The following HERC2 variants were observed in gnomAD, a reference collection of about 807,000 sequenced individuals.
HERC2 encodes the protein HECT and RLD domain containing E3 ubiquitin protein ligase 2.
HERC2 carries 102 observed loss-of-function variants against 537.7 expected under a neutral mutation model. The ratio of observed to expected loss-of-function variants is 0.19; its 90% CI spans 0.16 to 0.22. The LOEUF (loss-of-function observed/expected upper bound fraction) is 0.22, where lower values mean the gene tolerates loss of function less well. Among genes scored for constraint, HERC2 ranks in the 10% least tolerant of loss-of-function variants. The pLI is 1.00. For missense variants in HERC2, 4,236 were observed against 6,198.2 expected, an observed-to-expected ratio of 0.68 and a Z score of 10.63; for synonymous variants, 2,224 against 2,466.2, an observed-to-expected ratio of 0.90 and a Z score of 2.91.
Position 28,213,930 on chromosome 15 carries a change from C to G in HERC2, c.6598G>C (p.Val2200Leu), listed in dbSNP as rs200763932. Residue 2200 changes from valine to leucine, a missense_variant, in exon 42 of 93, where the codon GTG becomes CTG. Transcript: ENST00000261609. ...GCCAGGACTGCCATGAGGCCCCCCA[C>G]TTCAGGGTTCTCGGAGTCGGGGAAG... Reference protein sequence around the residue: ...DYFPDSENPEVGGLMAVLAVI... With the variant: ...DYFPDSENPELGGLMAVLAVI... 1.1e-5 allele frequency: 17 copies of G among 1,614,022 alleles called. No individual in the cohort carries two copies. In the Admixed American group the frequency reaches 2.5e-4, roughly 24 times the overall value.
chr15:28,268,754 G>T lies in HERC2; in HGVS notation c.1447-138C>A. On this transcript the variant is annotated intron_variant, in intron 11 of 92. Coordinates refer to ENST00000261609, the MANE Select transcript of HERC2 (RefSeq NM_004667.6). This position sits in a 1 kb window ranked among gnomAD's most constrained non-coding sequence, Gnocchi z 4.7. ...GGCATAAGTCTCTGGGAACTACGGG[G>T]CCGGCTCTCCAGCCCTTCCCACCCA... The T allele has an allele frequency of 1.4e-6, 1 of 723,246 alleles. No homozygotes were observed. The highest frequency in any genetic ancestry group is 2.3e-6 in the Non-Finnish European group (1 of 439,142). The allele number at this position is 723,246 out of a possible 1,614,324, so 44.8% of individuals were successfully genotyped here. A position where few individuals can be genotyped will look rare whatever the true frequency, so the allele number is the denominator to read the frequency against.
At chr15:28,214,834 T>G in intron 39 of HERC2, 32 bp from the exon 40 acceptor site, 1 of 1,568,528 alleles carries the variant, frequency 6.4e-7, no homozygotes, top group Non-Finnish European at 8.7e-7. Context: ...CGACAAGCAT[T>G]AAAAAAAATC....
chr15:28,267,679 G>T (rs1236953890), intron 12 of HERC2, among the ~76,000 whole-genome samples: 2 of 152,260 alleles, frequency 1.3e-5, no homozygotes, highest in Non-Finnish European at 2.9e-5. Flanking sequence ...TTTTCTCCCA[G>T]TTTGGGATCT....
intron 34 of HERC2, 106 bp downstream of exon 34, chr15:28,229,089 A>G: frequency 9.5e-7 from 1 of 1,055,866 alleles, no homozygotes; most frequent in Non-Finnish European, 1.5e-6. Context: ...CAAAGTACAA[A>G]CTTTAATTAA....
In HERC2 at chr15:28,322,115, G is replaced by T. The variant is rs1410079247; in HGVS notation, c.-72C>A. ...CGGCCGCCTCGCCTCGCCGGCGCGC[G>T]GACGCAGCCTCCCAAGAGCCGCTGG... On this transcript the variant is annotated 5_prime_UTR_variant, in exon 1 of 93. Coordinates refer to ENST00000261609, the MANE Select transcript of HERC2 (RefSeq NM_004667.6). The T allele has an allele frequency of 1.3e-5, 1 of 78,766 alleles. No homozygotes were observed. The highest frequency in any genetic ancestry group is 2.4e-5 in the Non-Finnish European group (1 of 42,250). The allele number at this position is 78,766 out of a possible 1,614,324, so 4.9% of individuals were successfully genotyped here. A position where few individuals can be genotyped will look rare whatever the true frequency, so the allele number is the denominator to read the frequency against.
chr15:28,263,816 G>A (rs1052436650), intron 14 of HERC2, among the ~76,000 whole-genome samples: 3 of 151,970 alleles, frequency 2.0e-5, no homozygotes, highest in Non-Finnish European at 4.4e-5. Context: ...CGGATCACTT[G>A]AGCCCAGGAG....
At chr15:28,227,443 G>A (rs1384056319) in intron 35 of HERC2, among the ~76,000 whole-genome samples, 9 of 144,430 alleles carry the variant, frequency 6.2e-5, no homozygotes, top group Admixed American at 4.2e-4. Context: ...CACCCACTAC[G>A]ATGGCCTTCA....
chr15:28,118,084 A>T (rs1359917464), intron 86 of HERC2: 3 of 168,862 alleles, frequency 1.8e-5, no homozygotes, highest in African/African-American at 7.2e-5. Context: ...AAGAAGAATG[A>T]CAGGAGCCAC....
intron 49 of HERC2, 27 bp downstream of exon 49, chr15:28,198,574 A>G: frequency 6.8e-6 from 11 of 1,609,966 alleles, no homozygotes; most frequent in Non-Finnish European, 9.3e-6. Context: ...AGAAAAAACA[A>G]AAGCACTGAA....
intron 45 of HERC2, chr15:28,203,235 T>C (rs903892741): frequency 2.3e-5 from 3 of 129,268 alleles, no homozygotes; most frequent in African/African-American, 9.2e-5. Flanking sequence ...ACTTCCCTGA[T>C]CTGTCTGTAA....
rs1051655771 is a variant in HERC2, at chr15:28,132,900, C to T, written c.12231-70G>A. The T allele has an allele frequency of 1.5e-5, 18 of 1,238,532 alleles. No homozygotes were observed. The African/African-American group carries it at 2.5e-4, about 17-fold the overall frequency. 76.7% of individuals were successfully genotyped at this position (1,238,532 alleles called of 1,614,324 possible). The stretch of plus-strand genomic sequence containing the variant: ...TAAACATTTTTCAGTGTATTAAATA[C>T]CTCTCAATCTACACCTTCCTAATCA... On this transcript the variant is annotated intron_variant, in intron 79 of 92. Transcript: ENST00000261609.
chr15:28,162,671 C>T (rs1008289354), intron 69 of HERC2, among the ~76,000 whole-genome samples: 5 of 151,942 alleles, frequency 3.3e-5, no homozygotes, highest in Non-Finnish European at 5.9e-5. Context: ...AGGTGGATCA[C>T]GAGGTCAGGA....
At chr15:28,206,764 C>T (rs1444045370) in intron 44 of HERC2, among the ~76,000 whole-genome samples, 2 of 131,312 alleles carry the variant, frequency 1.5e-5, no homozygotes, top group South Asian at 2.6e-4. Flanking sequence ...ACCTGGGAGG[C>T]GGAGCTTGCA....
intron 35 of HERC2, among the ~76,000 whole-genome samples, chr15:28,225,980 C>G (rs111791369): frequency 5.9e-5 from 9 of 152,174 alleles, no homozygotes; most frequent in South Asian, 2.1e-4. Context: ...AAAAGCTTAG[C>G]TGGTCAACTC....
rs144751758 is a variant in HERC2, at chr15:28,116,049, A to G, written c.13610-508T>C. On this transcript the variant is annotated intron_variant, in intron 88 of 92. Transcript: ENST00000261609. ...CTTCTGAGTACCCGAGGCAGTCTCC[A>G]GTCCTCAGCACGTGGCCGGGGCTGG... 4.2e-3 allele frequency among the ~76,000 whole-genome samples: 637 copies of G among 152,330 alleles called. 4 individuals are homozygous for G. The highest frequency in any genetic ancestry group is 0.015 in the African/African-American group (607 of 41,586).
chr15:28,243,559 A>G (rs560775143), intron 23 of HERC2, among the ~76,000 whole-genome samples: 1 of 152,336 alleles, frequency 6.6e-6, no homozygotes, highest in South Asian at 2.1e-4. Flanking sequence ...AGATAGAAAA[A>G]TGCGCACAAA....
At chr15:28,243,250 A>G (rs1053794480) in intron 23 of HERC2, among the ~76,000 whole-genome samples, 1 of 152,242 alleles carries the variant, frequency 6.6e-6, no homozygotes, top group African/African-American at 2.4e-5. Flanking sequence ...CATAACATGC[A>G]TGAAAATCAA....
At chr15:28,225,110 A>C (rs1015429954) in intron 35 of HERC2, among the ~76,000 whole-genome samples, 1 of 152,190 alleles carries the variant, frequency 6.6e-6, no homozygotes, top group Non-Finnish European at 1.5e-5. Flanking sequence ...AAGTTAGGCC[A>C]GGTGTGGTGC....
intron 2 of HERC2, among the ~76,000 whole-genome samples, chr15:28,301,735 G>GTGTGTATATATATA (rs1468330361): frequency 2.8e-5 from 1 of 35,378 alleles, no homozygotes; most frequent in South Asian, 1.4e-3. Flanking sequence ...GTATGTATGT[G>GTGTGTATATATATA]TATATATATA....
Sources: allele counts gnomAD v4.1 joint callset (sites outside exome capture counted in the v4.1 genomes callset), GRCh38; gene constraint gnomAD v4.1.1; non-coding constraint Gnocchi (gnomAD v3.1); transcripts MANE v1.5; gene names NCBI Gene and HGNC (gene_info 2026-07-23, HGNC 2026-07-21).